Variants in TMEM131L observed in about 807,000 individuals in gnomAD.
The protein encoded by TMEM131L is transmembrane 131 like.
In TMEM131L, 54 loss-of-function variants were observed where a neutral mutation model predicts 192.2. That is an observed-to-expected ratio of 0.28 (90% CI 0.23 to 0.35). The LOEUF (loss-of-function observed/expected upper bound fraction) is 0.35. Ranked by LOEUF, TMEM131L falls within the 10% of genes least tolerant of loss-of-function variation. The probability of loss-of-function intolerance (pLI) is 1.00; values close to 1 mark genes in which losing one functional copy is unlikely to be tolerated. For synonymous variants in TMEM131L, 701 were observed against 704.9 expected (o/e 0.99, Z 0.09); for missense variants, 1,888 against 1,972.9 (o/e 0.96, Z 0.82).
At chr4:153,489,458 A>C (rs78089682) in intron 3 of TMEM131L, among the ~76,000 whole-genome samples, 2,816 of 152,282 alleles carry the variant, frequency 0.018, 87 homozygotes, top group African/African-American at 0.061. Context: ...CTTTATTTTC[A>C]CAAGATTGTG....
At chr4:153,559,277 A>G (rs1728695014) in intron 7 of TMEM131L, among the ~76,000 whole-genome samples, 1 of 152,230 alleles carries the variant, frequency 6.6e-6, no homozygotes, top group Non-Finnish European at 1.5e-5. Flanking sequence ...ATCTTAAATC[A>G]TATTTTTATT....
intron 3 of TMEM131L, among the ~76,000 whole-genome samples, chr4:153,475,514 T>C (rs1731469629): frequency 6.6e-6 from 1 of 152,206 alleles, no homozygotes; most frequent in Admixed American, 6.5e-5. Flanking sequence ...GGAAAATAGC[T>C]CTGTTCATCT....
intron 3 of TMEM131L, among the ~76,000 whole-genome samples, chr4:153,510,063 A>G (rs1432598371): frequency 1.3e-5 from 2 of 152,222 alleles, no homozygotes; most frequent in African/African-American, 2.4e-5. Flanking sequence ...CTTGTTTTGT[A>G]TTAAAATTTT....
intron 3 of TMEM131L, among the ~76,000 whole-genome samples, chr4:153,478,887 G>T (rs1419651001): frequency 6.7e-6 from 1 of 148,632 alleles, no homozygotes; most frequent in Non-Finnish European, 1.5e-5. Context: ...AAGGTCAGGT[G>T]GACTTAAAGT....
chr4:153,606,145 C>G (rs1179116657), intron 25 of TMEM131L, among the ~76,000 whole-genome samples: 1 of 152,186 alleles, frequency 6.6e-6, no homozygotes, highest in African/African-American at 2.4e-5. Context: ...GTGTCTTATT[C>G]TGTTTCTCTC....
At chr4:153,504,740 C>T (rs1305755955) in intron 3 of TMEM131L, among the ~76,000 whole-genome samples, 3 of 152,160 alleles carry the variant, frequency 2.0e-5, no homozygotes, top group Non-Finnish European at 4.4e-5. Context: ...ATGAGATTTG[C>T]TTTCACAGAA....
At chr4:153,602,387 A>G in intron 22 of TMEM131L, 49 bp downstream of exon 22, 1 of 1,579,974 alleles carries the variant, frequency 6.3e-7, no homozygotes, top group Non-Finnish European at 8.6e-7. Flanking sequence ...GCGTTTAACA[A>G]TGTGAGGAGG....
intron 3 of TMEM131L, among the ~76,000 whole-genome samples, chr4:153,517,332 C>T (rs1294977295): frequency 6.6e-6 from 1 of 152,194 alleles, no homozygotes; most frequent in South Asian, 2.1e-4. Flanking sequence ...CCCACCTCTT[C>T]CCTCAACTGC....
At chr4:153,617,343 A>G (rs1289247180) in intron 26 of TMEM131L, among the ~76,000 whole-genome samples, 3 of 152,252 alleles carry the variant, frequency 2.0e-5, no homozygotes, top group Non-Finnish European at 4.4e-5. Context: ...CTTTATCAGC[A>G]GCGTGAAAAC....
rs745763200 is a variant in TMEM131L at position 153,604,099 on chromosome 4, C to G, written c.3087C>G (p.Asn1029Lys). 7.4e-6 allele frequency: 12 copies of G among 1,614,202 alleles called. No individual in the cohort carries two copies. The highest frequency in any genetic ancestry group is 9.3e-6 in the Non-Finnish European group (11 of 1,180,018). The change falls in exon 25 of 35, where the codon AAC (asparagine) becomes AAG (lysine). Residue 1029 changes from asparagine to lysine, a missense_variant. By Grantham distance (94) the Asn-to-Lys change is moderately conservative. Transcript: ENST00000409959. Reference protein sequence around the residue: ...EDICTDAMRENWISLRYASGI... With the variant: ...EDICTDAMREKWISLRYASGI... Reference sequence around the variant, plus strand: ...TTTGCACTGATGCCATGCGTGAGAACTGGATCAGCCTCAGATATGCAAGTG... The same window carrying G: ...TTTGCACTGATGCCATGCGTGAGAAGTGGATCAGCCTCAGATATGCAAGTG...
At chr4:153,549,953 A>G in intron 3 of TMEM131L, 120 bp from the exon 4 acceptor site, 1 of 441,888 alleles carries the variant, frequency 2.3e-6, no homozygotes, top group Non-Finnish European at 4.1e-6. Context: ...TTATCATTTA[A>G]AATCTATGAG....
At chr4:153,492,521 A>G (rs961101355) in intron 3 of TMEM131L, among the ~76,000 whole-genome samples, 1 of 152,230 alleles carries the variant, frequency 6.6e-6, no homozygotes, top group Non-Finnish European at 1.5e-5. Flanking sequence ...TAAGTCTACC[A>G]CTTTGGACTT....
At chr4:153,598,918 C>A (rs928251478) in intron 21 of TMEM131L, among the ~76,000 whole-genome samples, 186 bp downstream of exon 21, 10 of 151,904 alleles carry the variant, frequency 6.6e-5, no homozygotes, top group Non-Finnish European at 1.5e-5. Context: ...GGCTGGTACC[C>A]CTGGATTAGA....
chr4:153,560,244 C>CTGAT (rs1728763260), intron 7 of TMEM131L, among the ~76,000 whole-genome samples: 1 of 152,176 alleles, frequency 6.6e-6, no homozygotes, highest in Admixed American at 6.5e-5. Context: ...CAGGGACCAT[C>CTGAT]TGATTGAGCT....
At chr4:153,556,529 C>G (rs1179083346) in intron 5 of TMEM131L, among the ~76,000 whole-genome samples, 1 of 151,980 alleles carries the variant, frequency 6.6e-6, no homozygotes, top group Non-Finnish European at 1.5e-5. Context: ...AAAACTAGGA[C>G]TAAGGATATG....
intron 7 of TMEM131L, among the ~76,000 whole-genome samples, chr4:153,565,655 G>A (rs752930898): frequency 6.6e-6 from 1 of 152,272 alleles, no homozygotes; most frequent in Non-Finnish European, 1.5e-5. Flanking sequence ...TGCAAATACA[G>A]TGTTCTCTGA....
chr4:153,568,339 CCTT>C (rs1192488374), intron 7 of TMEM131L, among the ~76,000 whole-genome samples: 2 of 152,182 alleles, frequency 1.3e-5, no homozygotes, highest in African/African-American at 4.8e-5. Context: ...CCGTCTTCCT[CCTT>C]GTTTGTGCTT....
At chr4:153,539,551 CAT>C (rs1736611512) in intron 3 of TMEM131L, among the ~76,000 whole-genome samples, 1 of 116,112 alleles carries the variant, frequency 8.6e-6, no homozygotes, top group Non-Finnish European at 1.6e-5. Context: ...TGAATAATGA[CAT>C]ATTGTCTGGG....
intron 9 of TMEM131L, 146 bp from the exon 10 acceptor site, chr4:153,583,044 T>A (rs917799830): frequency 9.9e-6 from 6 of 608,684 alleles, no homozygotes; most frequent in Non-Finnish European, 1.5e-5. Flanking sequence ...CTAGTTTTGA[T>A]TTCAGTTTTG....
Sources: gnomAD v4.1 joint callset for allele counts (sites outside exome capture counted in the v4.1 genomes callset) on GRCh38, gnomAD v4.1.1 for gene constraint, MANE v1.5 for transcripts, NCBI Gene and HGNC (gene_info 2026-07-23, HGNC 2026-07-21) for gene names.